HDAC10: variants seen among roughly 807,000 people sequenced by gnomAD.
The protein encoded by HDAC10 is polyamine deacetylase HDAC10.
A neutral mutation model predicts 82.3 loss-of-function variants in HDAC10; 90 were observed. The observed-to-expected ratio is 1.09, with a 90% CI of 0.92 to 1.30. The LOEUF (loss-of-function observed/expected upper bound fraction) is 1.30. HDAC10 is among the 50% of genes most tolerant of loss of function. The probability of loss-of-function intolerance (pLI) is 0.00; values close to 1 mark genes in which losing one functional copy is unlikely to be tolerated. For missense variants in HDAC10, 934 were observed against 876.3 expected (o/e 1.07, Z -0.83); for synonymous variants, 456 against 391.7 (o/e 1.16, Z -1.94).
At chr22:50,246,517 G>C (rs1054758250) in intron 16 of HDAC10, 141 bp from the exon 17 acceptor site, 40 of 1,008,808 alleles carry the variant, frequency 4.0e-5, no homozygotes, top group Non-Finnish European at 5.8e-5. Context: ...AGACCCACCT[G>C]GCATTGCCTC....
In HDAC10 at chr22:50,248,581, C is replaced by T; in HGVS notation, c.906+81G>A. On this transcript the variant is annotated intron_variant, in intron 10 of 19. Coordinates refer to ENST00000216271, the MANE Select transcript of HDAC10 (RefSeq NM_032019.6). The surrounding 1 kb of genome is among the most constrained non-coding windows in gnomAD (Gnocchi z 5.4). ...CCGGGCAGGACGCCCCTCCCAAATA[C>T]CCCGTGGGCACCTGGCTCCCATGCT... 10 of 1,472,266 alleles carry T rather than the reference C, an allele frequency of 6.8e-6. No individual in the cohort carries two copies. Among genetic ancestry groups the T allele is most frequent in the Non-Finnish European group, 9.1e-6 (10 of 1,103,242 alleles). The allele number at this position is 1,472,266 out of a possible 1,614,324, so 91.2% of individuals were successfully genotyped here.
rs993174121 is a variant in HDAC10 at position 50,250,299 on chromosome 22, C to T, written c.291+128G>A. The stretch of plus-strand genomic sequence containing the variant: ...CCCAGGCTCTGGCAGTGCCAGCAGG[C>T]AGGTGTGCAGGGCAATGTCATGTGT... On this transcript the variant is annotated intron_variant, in intron 3 of 19. Transcript: ENST00000216271. 3.3e-6 allele frequency: 4 copies of T among 1,202,690 alleles called. No homozygotes were observed. In the African/African-American group the frequency reaches 6.0e-5, roughly 18 times the overall value. 74.5% of individuals were successfully genotyped at this position (1,202,690 alleles called of 1,614,324 possible). A position where few individuals can be genotyped will look rare whatever the true frequency, so the allele number is the denominator to read the frequency against.
At position 50,246,066 on chromosome 22, in the gene HDAC10, G is replaced by T; in HGVS notation, c.1677C>A (p.Ile559=). 1 of 1,610,158 alleles carries T rather than the reference G, an allele frequency of 6.2e-7. No individual in the cohort carries two copies. The highest frequency in any genetic ancestry group is 8.5e-7 in the Non-Finnish European group (1 of 1,177,960). The change falls in exon 18 of 20, where the codon ATC becomes ATA. Residue 559 remains isoleucine, a synonymous_variant. Coordinates refer to ENST00000216271, the MANE Select transcript of HDAC10 (RefSeq NM_032019.6). ...AGGCCAGGGGCAGCACCAAGCCCAA[G>T]ATGCAGCTCAGGAAACCACCGGTCA... The part of the protein sequence containing the change: ...PVMTGGFLSC[I]LGLVLPLAYG...
At chr22:50,247,027 G>C (rs1016761882) in intron 14 of HDAC10, 61 bp from the exon 15 acceptor site, 3 of 1,038,586 alleles carry the variant, frequency 2.9e-6, no homozygotes, top group African/African-American at 3.2e-5. Context: ...CAGGTAAACA[G>C]ATCCACAGTT....
rs767173274 is a variant in HDAC10, at chr22:50,249,833, C to G, written c.494+27G>C. 8 of 1,602,032 alleles carry G rather than the reference C, an allele frequency of 5.0e-6. No individual in the cohort carries two copies. The South Asian group carries it at 5.5e-5, about 11-fold the overall frequency. ...CCCCTTGCTGTGTGGCCTGGGCCCA[C>G]CCCCCTGCAGCCAGCCTGGCACACA... On this transcript the variant is annotated intron_variant, in intron 5 of 19. Transcript: ENST00000216271. The surrounding 1 kb of genome is among the most constrained non-coding windows in gnomAD (Gnocchi z 4.4).
Position 50,245,361 on chromosome 22 carries a change from A to AGGGGGC in HDAC10, c.*145_*146insGCCCCC. 4.0e-6 allele frequency: 2 copies of AGGGGGC among 502,294 alleles called. No homozygotes were observed. Among genetic ancestry groups the AGGGGGC allele is most frequent in the Admixed American group, 6.1e-5 (2 of 33,000 alleles). 31.1% of individuals were successfully genotyped at this position (502,294 alleles called of 1,614,324 possible). A position where few individuals can be genotyped will look rare whatever the true frequency, so the allele number is the denominator to read the frequency against. ...GTGGAGCGGGGGAAGCACGGGTGGG[A>AGGGGGC]GAGGGCGGGGCGCGGGGATTGGGAG... On this transcript the variant is annotated 3_prime_UTR_variant, in exon 20 of 20. Coordinates refer to ENST00000216271, the MANE Select transcript of HDAC10 (RefSeq NM_032019.6).
intron 13 of HDAC10, 47 bp from the exon 14 acceptor site, chr22:50,247,823 G>C (rs1210076323): frequency 1.2e-6 from 2 of 1,612,600 alleles, no homozygotes; most frequent in Middle Eastern, 3.3e-4. Flanking sequence ...AGTGACCGCA[G>C]GTCAGGCACA....
At position 50,249,871 on chromosome 22, in the gene HDAC10, G is replaced by A. The variant is rs769079660; in HGVS notation, c.483C>T (p.His161=). 35 of 1,612,242 alleles carry A rather than the reference G, an allele frequency of 2.2e-5. 1 individual carries two copies. The South Asian group carries it at 2.3e-4, about 11-fold the overall frequency. Reference sequence around the variant, plus strand: ...AGCCTGGCACACACCTGTGTAGCCCGTGTTTCTGCTTGGCATGTGCAGCTG... The same window carrying A: ...AGCCTGGCACACACCTGTGTAGCCCATGTTTCTGCTTGGCATGTGCAGCTG... ...AIAAAHAKQK[H]GLHRILVVDW... is the part of the protein sequence containing the mutation. Residue 161 remains histidine (H), a synonymous_variant, in exon 5 of 20, where the codon CAC becomes CAT. Transcript: ENST00000216271. This position sits in a 1 kb window ranked among gnomAD's most constrained non-coding sequence, Gnocchi z 4.4.
At chr22:50,247,227 C>T in intron 14 of HDAC10, 2 of 400,828 alleles carry the variant, frequency 5.0e-6, no homozygotes, top group Non-Finnish European at 8.9e-6. Flanking sequence ...CAGCCTCAAA[C>T]TCCTGGGCTT....
At chr22:50,246,634 C>G in intron 16 of HDAC10, 45 bp downstream of exon 16, 1 of 1,567,294 alleles carries the variant, frequency 6.4e-7, no homozygotes. Context: ...ATCACATGCC[C>G]GTCCACATGC....
chr22:50,246,134 T>C, intron 17 of HDAC10, 42 bp from the exon 18 acceptor site: 1 of 1,568,732 alleles, frequency 6.4e-7, no homozygotes, highest in Non-Finnish European at 8.7e-7. Context: ...TACGGACACC[T>C]GCTGGCTCTG....
chr22:50,246,842 G>C, intron 15 of HDAC10, 33 bp downstream of exon 15: 1 of 1,596,274 alleles, frequency 6.3e-7, no homozygotes, highest in Non-Finnish European at 8.6e-7. Flanking sequence ...AGGTCCTGCC[G>C]TCAGAGGCTC....
rs756212047 is a variant in HDAC10, at chr22:50,248,357, C to T, written c.1013+9G>A. ...ACCCCGGCCCTGCCCGCCCTACCTC[C>T]CCTCGCACCTCTGACATGGCGCCAT... On this transcript the variant is annotated intron_variant, in intron 11 of 19. Coordinates refer to ENST00000216271, the MANE Select transcript of HDAC10 (RefSeq NM_032019.6). The surrounding 1 kb of genome is among the most constrained non-coding windows in gnomAD (Gnocchi z 5.4). The T allele has an allele frequency of 6.2e-7, 1 of 1,611,208 alleles. No homozygotes were observed.
Position 50,250,333 on chromosome 22 carries a change from G to A in HDAC10, c.291+94C>T, listed in dbSNP as rs970435902. 54 of 1,299,716 alleles carry A rather than the reference G, an allele frequency of 4.2e-5. No homozygotes were observed. The African/African-American group carries it at 7.3e-4, about 17-fold the overall frequency. 80.5% of individuals were successfully genotyped at this position (1,299,716 alleles called of 1,614,324 possible). A position where few individuals can be genotyped will look rare whatever the true frequency, so the allele number is the denominator to read the frequency against. On this transcript the variant is annotated intron_variant, in intron 3 of 19. Coordinates refer to ENST00000216271, the MANE Select transcript of HDAC10 (RefSeq NM_032019.6). ...AGGGCAATGTCATGTGTATGGACCA[G>A]GGGACACTGGCTGGGGTTGGCGGCC...
At chr22:50,250,677 C>T in intron 2 of HDAC10, 94 bp downstream of exon 2, 1 of 1,397,674 alleles carries the variant, frequency 7.2e-7, no homozygotes, top group Non-Finnish European at 9.7e-7. Flanking sequence ...GCTCTGTATT[C>T]GAGGCTGGCA....
chr22:50,246,354 T>G lies in HDAC10; in HGVS notation c.1594A>C (p.Arg532=). 6.2e-7 allele frequency: 1 copy of G among 1,612,730 alleles called. No individual in the cohort carries two copies. ...HDGRSLWLNI[R]GKEAAALSMF... is the part of the protein sequence containing the mutation. ...GATAGGGCAGCCGCCTCCTTGCCCC[T>G]GATGTTCAGCCACAGACTCCTCCTT... The change falls in exon 17 of 20, where the codon AGG becomes CGG. Residue 532 remains arginine, a synonymous_variant. Transcript: ENST00000216271.
intron 3 of HDAC10, 64 bp from the exon 4 acceptor site, chr22:50,250,224 A>G: frequency 6.8e-7 from 1 of 1,464,516 alleles, no homozygotes; most frequent in Non-Finnish European, 9.4e-7. Flanking sequence ...GGCCATACCC[A>G]CACTTGTGCC....
intron 14 of HDAC10, chr22:50,247,423 G>A: frequency 4.9e-6 from 2 of 405,580 alleles, no homozygotes; most frequent in African/African-American, 2.0e-5. Flanking sequence ...ATGAGCCACT[G>A]CACCCTGCCT....
In HDAC10 at chr22:50,245,324, G is replaced by C. The variant is rs1326750640; in HGVS notation, c.*183C>G. On this transcript the variant is annotated 3_prime_UTR_variant, in exon 20 of 20. Transcript: ENST00000216271. ...GCGCGATGGGTGGGGCGGGGGCGAG[G>C]TGAGGTGAGGGGTGGAGCGGGGGAA... 1.6e-6 allele frequency: 1 copy of C among 627,548 alleles called. No individual in the cohort carries two copies. Among genetic ancestry groups the C allele is most frequent in the African/African-American group, 1.8e-5 (1 of 54,332 alleles). The allele number at this position is 627,548 out of a possible 1,614,324, so 38.9% of individuals were successfully genotyped here.
Sources: allele counts gnomAD v4.1 joint callset, GRCh38; gene constraint gnomAD v4.1.1; non-coding constraint Gnocchi (gnomAD v3.1); transcripts MANE v1.5; gene names NCBI Gene and HGNC (gene_info 2026-07-23, HGNC 2026-07-21).